Variants in ELOVL6 observed in about 807,000 individuals in gnomAD.
ELOVL6 encodes the protein ELOVL fatty acid elongase 6, also known as very long chain fatty acid elongase 6.
ELOVL6 carries 8 observed loss-of-function variants against 31.7 expected under a neutral mutation model. That is an observed-to-expected ratio of 0.25 (90% CI 0.15 to 0.45). The LOEUF is 0.45. Among genes scored for constraint, ELOVL6 ranks in the 20% least tolerant of loss-of-function variants. ELOVL6 has a pLI of 1.00. For missense variants in ELOVL6, 126 were observed against 326.4 expected (o/e 0.39, Z 4.73); for synonymous variants, 101 against 117.7 (o/e 0.86, Z 0.92).
chr4:110,058,901 C>A (rs1047457508), intron 3 of ELOVL6, among the ~76,000 whole-genome samples: 1 of 152,152 alleles, frequency 6.6e-6, no homozygotes, highest in Non-Finnish European at 1.5e-5. Flanking sequence ...CACTAGATCT[C>A]TTTCTGTGTA....
At chr4:110,151,875 T>C (rs1278889693) in intron 1 of ELOVL6, among the ~76,000 whole-genome samples, 1 of 152,214 alleles carries the variant, frequency 6.6e-6, no homozygotes, top group East Asian at 1.9e-4. Context: ...CTAGGACTGC[T>C]GTGAAGATTA....
At chr4:110,059,915 A>G in intron 2 of ELOVL6, 161 bp from the exon 3 acceptor site, 1 of 615,832 alleles carries the variant, frequency 1.6e-6, no homozygotes, top group Non-Finnish European at 2.8e-6. Flanking sequence ...TGTAAACAAG[A>G]GCTAATACAA....
intron 1 of ELOVL6, among the ~76,000 whole-genome samples, chr4:110,139,390 T>C (rs868174408): frequency 6.6e-6 from 1 of 152,200 alleles, no homozygotes; most frequent in African/African-American, 2.4e-5. Context: ...CACAGTGACC[T>C]CAGTAACTTT....
chr4:110,173,969 A>G (rs1759026850), intron 1 of ELOVL6, among the ~76,000 whole-genome samples: 1 of 151,942 alleles, frequency 6.6e-6, no homozygotes, highest in Admixed American at 6.6e-5. Flanking sequence ...CTTCACATGT[A>G]CCCTCAAGCC....
chr4:110,145,669 C>T (rs539555776), intron 1 of ELOVL6, among the ~76,000 whole-genome samples: 3 of 150,132 alleles, frequency 2.0e-5, no homozygotes, highest in South Asian at 2.1e-4. Context: ...GAGATAATAC[C>T]TCACTCCTTC....
intron 2 of ELOVL6, among the ~76,000 whole-genome samples, chr4:110,090,647 C>T (rs1279430435): frequency 7.5e-6 from 1 of 133,344 alleles, no homozygotes; most frequent in Admixed American, 8.4e-5. Flanking sequence ...GCTCTGTCGC[C>T]AGGCTGGAGT....
At chr4:110,119,224 T>G (rs1757272821) in intron 1 of ELOVL6, among the ~76,000 whole-genome samples, 1 of 151,908 alleles carries the variant, frequency 6.6e-6, no homozygotes, top group African/African-American at 2.4e-5. Flanking sequence ...TTGAACCCAG[T>G]ATGTAGAGGT....
At chr4:110,168,536 G>T (rs1018268353) in intron 1 of ELOVL6, among the ~76,000 whole-genome samples, 2 of 151,118 alleles carry the variant, frequency 1.3e-5, no homozygotes, top group African/African-American at 4.9e-5. Context: ...AAAAAAAAAA[G>T]TCAAATTCAA....
intron 1 of ELOVL6, among the ~76,000 whole-genome samples, chr4:110,188,352 T>G (rs1759507554): frequency 6.6e-6 from 1 of 152,170 alleles, no homozygotes; most frequent in Non-Finnish European, 1.5e-5. Flanking sequence ...ACGTTTCCAG[T>G]GCAGCCAAGT....
At chr4:110,105,466 A>G in intron 2 of ELOVL6, 31 bp downstream of exon 2, 1 of 1,575,332 alleles carries the variant, frequency 6.3e-7, no homozygotes, top group Non-Finnish European at 8.6e-7. Context: ...TAAAATGGAT[A>G]CGTTTTATTA....
intron 3 of ELOVL6, among the ~76,000 whole-genome samples, chr4:110,052,884 G>C (rs529976931): frequency 6.6e-6 from 1 of 152,330 alleles, no homozygotes; most frequent in South Asian, 2.1e-4. Context: ...CATCCTTCAT[G>C]ACCTTTGGTG....
chr4:110,117,137 G>A (rs144102500), intron 1 of ELOVL6, among the ~76,000 whole-genome samples: 1 of 152,274 alleles, frequency 6.6e-6, no homozygotes, highest in East Asian at 1.9e-4. Context: ...CTTTACAACT[G>A]GAAGGCAGTT....
intron 2 of ELOVL6, among the ~76,000 whole-genome samples, chr4:110,083,715 A>G (rs1290042279): frequency 6.6e-6 from 1 of 151,208 alleles, no homozygotes; most frequent in East Asian, 1.9e-4. Flanking sequence ...ATATTATTAT[A>G]AAAGTAGTCA....
intron 2 of ELOVL6, among the ~76,000 whole-genome samples, chr4:110,074,505 C>T (rs1755576425): frequency 2.0e-5 from 3 of 151,878 alleles, no homozygotes; most frequent in South Asian, 2.1e-4. Flanking sequence ...GAAGGAGGGA[C>T]CTGAAATTTT....
chr4:110,178,016 T>A (rs1175321139), intron 1 of ELOVL6, among the ~76,000 whole-genome samples: 1 of 152,200 alleles, frequency 6.6e-6, no homozygotes, highest in African/African-American at 2.4e-5. Context: ...GCTACTAGTT[T>A]TCTTTGCCCT....
chr4:110,084,194 T>TGTGATA (rs1491255162), intron 2 of ELOVL6, among the ~76,000 whole-genome samples: 1,691 of 75,072 alleles, frequency 0.023, 175 homozygotes, highest in East Asian at 0.11. Context: ...AACATATAAC[T>TGTGATA]TATATGATAT....
intron 2 of ELOVL6, among the ~76,000 whole-genome samples, chr4:110,064,800 G>T (rs1016194560): frequency 1.3e-5 from 2 of 152,100 alleles, no homozygotes; most frequent in Non-Finnish European, 2.9e-5. Flanking sequence ...GATTGATAAT[G>T]TTTAAAAATC....
At position 110,083,435 on chromosome 4, in the gene ELOVL6, C is replaced by T. The variant is rs199852527; in HGVS notation, c.221+22062G>A. 5.7e-4 allele frequency among the ~76,000 whole-genome samples: 87 copies of T among 151,754 alleles called. 2 individuals are homozygous for T. The East Asian group carries it at 8.9e-3, about 15-fold the overall frequency. On this transcript the variant is annotated intron_variant, in intron 2 of 3. Coordinates refer to ENST00000302274, the MANE Select transcript of ELOVL6 (RefSeq NM_024090.3). ...TCACTAAGCACTAATCAGCTGGGCA[C>T]GCTTGGTACGAGCCCAGAGGCTGGC...
intron 1 of ELOVL6, among the ~76,000 whole-genome samples, chr4:110,181,441 C>T (rs1235691150): frequency 6.6e-6 from 1 of 151,740 alleles, no homozygotes; most frequent in Non-Finnish European, 1.5e-5. Flanking sequence ...AGAGTGAGAC[C>T]CTGTCTAAAT....
Sources: gnomAD v4.1 joint callset for allele counts (sites outside exome capture counted in the v4.1 genomes callset) on GRCh38, gnomAD v4.1.1 for gene constraint, MANE v1.5 for transcripts, NCBI Gene and HGNC (gene_info 2026-07-23, HGNC 2026-07-21) for gene names.